CCDC141: variants seen among roughly 807,000 people sequenced by gnomAD.
CCDC141 encodes the protein coiled-coil domain containing 141.
CCDC141 carries 168 observed loss-of-function variants against 181.0 expected under a neutral mutation model. The ratio of observed to expected loss-of-function variants is 0.93; its 90% CI spans 0.82 to 1.05. The LOEUF is 1.05. Ranked by LOEUF, CCDC141 falls within the 50% of genes least tolerant of loss-of-function variation. The pLI is 0.00. For synonymous variants in CCDC141, 666 were observed against 642.3 expected, an observed-to-expected ratio of 1.04 and a Z score of -0.56; for missense variants, 1,902 against 1,788.5, an observed-to-expected ratio of 1.06 and a Z score of -1.14.
At chr2:178,947,894 A>G (rs1400552516) in intron 5 of CCDC141, among the ~76,000 whole-genome samples, 1 of 152,196 alleles carries the variant, frequency 6.6e-6, no homozygotes, top group South Asian at 2.1e-4. Flanking sequence ...TAATGAAAAT[A>G]TCTCATTAAG....
In CCDC141 at chr2:178,837,741, G is replaced by A. The variant is rs774712070; in HGVS notation, c.3478C>T (p.Gln1160Ter). ...TIFNEERNKGQVQVADLLGIN... is the reference protein window; with the variant it reads ...TIFNEERNKG The stretch of plus-strand genomic sequence containing the variant: ...CCCAAAAGATCTGCCACCTGCACCT[G>A]CCCCTTGAAAAAAGAAAAGCCAAAT... Residue 1160 changes from glutamine (Q) to a stop codon, truncating the protein, a stop_gained, in exon 23 of 24, where the codon CAG (glutamine) becomes TAG (stop). Transcript: ENST00000443758. LOFTEE classifies it high-confidence loss of function. 8.4e-5 allele frequency: 133 copies of A among 1,587,538 alleles called. 3 individuals carry two copies. The South Asian group carries it at 1.5e-3, about 18-fold the overall frequency.
Position 178,951,756 on chromosome 2 carries a change from G to T in CCDC141, c.781-7105C>A, listed in dbSNP as rs1357775374. ...AGAGGTAAAAGGAGACCCACAGGCA[G>T]CCCCAGGGCTTAGCAGATAGCTCAG... On this transcript the variant is annotated intron_variant, in intron 5 of 23. Coordinates refer to ENST00000443758, the MANE Select transcript of CCDC141 (RefSeq NM_173648.4). 5.9e-5 allele frequency among the ~76,000 whole-genome samples: 9 copies of T among 152,270 alleles called. No homozygotes were observed. The South Asian group carries it at 1.7e-3, about 28-fold the overall frequency.
chr2:178,921,714 G>A (rs1166865464), intron 6 of CCDC141, among the ~76,000 whole-genome samples: 1 of 152,160 alleles, frequency 6.6e-6, no homozygotes, highest in Non-Finnish European at 1.5e-5. Context: ...GCTCCAGTTG[G>A]AACAATGTTG....
chr2:178,819,186 C>A, the CCDC141 span, among the ~76,000 whole-genome samples: 9 of 152,214 alleles, frequency 5.9e-5, no homozygotes, highest in African/African-American at 2.2e-4. Flanking sequence ...TACTTAGGGG[C>A]CTTTTTGCCA....
chr2:178,912,986 C>G (rs1663320918), intron 7 of CCDC141, among the ~76,000 whole-genome samples: 1 of 152,202 alleles, frequency 6.6e-6, no homozygotes, highest in Admixed American at 6.5e-5. Context: ...GGTCTCTGCT[C>G]TGTGTGTTCT....
chr2:178,878,152 G>T lies in CCDC141; in HGVS notation c.1720-9C>A. On this transcript the variant is annotated splice_polypyrimidine_tract_variant and intron_variant, in intron 11 of 23. Transcript: ENST00000443758. ...TGAAACTGCATCTCTACCTAAAAAA[G>T]AAAAAAGAGAGTTAAGAACACTTAA... The T allele has an allele frequency of 6.4e-7, 1 of 1,572,158 alleles. No homozygotes were observed. The highest frequency in any genetic ancestry group is 1.4e-5 in the African/African-American group (1 of 72,188).
intron 22 of CCDC141, among the ~76,000 whole-genome samples, chr2:178,841,796 C>A (rs142524102): frequency 0.12 from 18,747 of 152,124 alleles, 1,213 homozygotes; most frequent in South Asian, 0.15. Flanking sequence ...AGGCACCCAG[C>A]TAATTTTTGT....
intron 2 of CCDC141, among the ~76,000 whole-genome samples, chr2:179,015,354 C>CATATCTCATATATGTATCATAT (rs2042450787): frequency 7.9e-6 from 1 of 126,600 alleles, no homozygotes; most frequent in Non-Finnish European, 1.6e-5. Flanking sequence ...ATGTATCATA[C>CATATCTCATATATGTATCATAT]ATATCCCATA....
chr2:178,948,204 TA>T (rs56840812), intron 5 of CCDC141, among the ~76,000 whole-genome samples: 162 of 144,430 alleles, frequency 1.1e-3, no homozygotes, highest in Non-Finnish European at 1.7e-3. Flanking sequence ...CCTATCTCAA[TA>T]AAAAAAAAAA....
intron 3 of CCDC141, among the ~76,000 whole-genome samples, chr2:178,976,549 T>G (rs1263294311): frequency 6.6e-6 from 1 of 152,218 alleles, no homozygotes; most frequent in African/African-American, 2.4e-5. Context: ...CATCTGCTGC[T>G]GCCAATCAGG....
In CCDC141 at chr2:178,837,053, C is replaced by T. The variant is rs368802405; in HGVS notation, c.4166G>A (p.Arg1389Gln). 39 of 1,613,852 alleles carry T rather than the reference C, an allele frequency of 2.4e-5. No individual in the cohort carries two copies. Among genetic ancestry groups the T allele is most frequent in the South Asian group, 3.3e-5 (3 of 91,054 alleles). ...SRGYQRQMVP[R>Q]EEIKSTSAKS... is the part of the protein sequence containing the mutation. ...TGCTGATGTGCTTTTAATCTCTTCT[C>T]GAGGAACCATTTGCCTCTGATAGCC... Residue 1389 changes from arginine (R) to glutamine (Q), a missense_variant, in exon 23 of 24, where the codon CGA becomes CAA. Physicochemically the swap from Arg to Gln is conservative, Grantham distance 43. Transcript: ENST00000443758.
chr2:178,928,876 T>C (rs1310388036), intron 6 of CCDC141, among the ~76,000 whole-genome samples: 5 of 152,206 alleles, frequency 3.3e-5, no homozygotes, highest in African/African-American at 1.2e-4. Context: ...GAAAACCCCA[T>C]CATTATGTGG....
In CCDC141 at chr2:178,905,354, A is replaced by G; in HGVS notation, c.1240T>C (p.Leu414=). The G allele has an allele frequency of 6.5e-7, 1 of 1,549,506 alleles. No individual in the cohort carries two copies. Among genetic ancestry groups the G allele is most frequent in the African/African-American group, 1.4e-5 (1 of 73,130 alleles). Residue 414 remains leucine, a synonymous_variant, in exon 8 of 24, where the codon TTA becomes CTA. Coordinates refer to ENST00000443758, the MANE Select transcript of CCDC141 (RefSeq NM_173648.4). ...TTDALQKGQT[L]ISQVDSCSSQ... ...CTGCAGGAGTCTACTTGGCTGATTAAGGTTTGTCCCTTTTGCAAAGCATCA... is the reference window on the plus strand; with the variant it reads ...CTGCAGGAGTCTACTTGGCTGATTAGGGTTTGTCCCTTTTGCAAAGCATCA...
intron 6 of CCDC141, among the ~76,000 whole-genome samples, chr2:178,942,471 G>T (rs1300421955): frequency 2.0e-5 from 3 of 152,148 alleles, no homozygotes; most frequent in African/African-American, 7.2e-5. Flanking sequence ...ACAGTAAAAA[G>T]ATCAGTGGTT....
chr2:178,865,266 C>T (rs1049608902), intron 17 of CCDC141, among the ~76,000 whole-genome samples: 20 of 152,206 alleles, frequency 1.3e-4, no homozygotes, highest in African/African-American at 4.8e-4. Flanking sequence ...AGTGCTAATA[C>T]TTCGTAGCCT....
intron 22 of CCDC141, among the ~76,000 whole-genome samples, chr2:178,844,652 A>C (rs1196865674): frequency 6.6e-6 from 1 of 152,190 alleles, no homozygotes; most frequent in East Asian, 1.9e-4. Flanking sequence ...GCCTTGACAT[A>C]GATTAACCTG....
intron 2 of CCDC141, among the ~76,000 whole-genome samples, chr2:179,037,827 G>A (rs1223593815): frequency 6.6e-6 from 1 of 152,178 alleles, no homozygotes; most frequent in Non-Finnish European, 1.5e-5. Flanking sequence ...GGATGGCTAT[G>A]ACTTTTTAAA....
chr2:178,985,970 G>A (rs1330015521), intron 2 of CCDC141, among the ~76,000 whole-genome samples: 1 of 152,182 alleles, frequency 6.6e-6, no homozygotes, highest in African/African-American at 2.4e-5. Context: ...CATTTTATGA[G>A]GCCAGCATCA....
At chr2:178,952,727 T>G (rs924527401) in intron 5 of CCDC141, among the ~76,000 whole-genome samples, 1 of 152,234 alleles carries the variant, frequency 6.6e-6, no homozygotes, top group Non-Finnish European at 1.5e-5. Flanking sequence ...TGAAATTCTG[T>G]GATAAATTTT....
Sources: gnomAD v4.1 joint callset for allele counts (sites outside exome capture counted in the v4.1 genomes callset) on GRCh38, gnomAD v4.1.1 for gene constraint, MANE v1.5 for transcripts, NCBI Gene and HGNC (gene_info 2026-07-23, HGNC 2026-07-21) for gene names.